PRKG2: variants seen among roughly 807,000 people sequenced by gnomAD.
PRKG2 encodes the protein protein kinase cGMP-dependent 2.
In PRKG2, 33 loss-of-function variants were observed where a neutral mutation model predicts 97.2. The ratio of observed to expected loss-of-function variants is 0.34; its 90% confidence interval spans 0.26 to 0.45. The LOEUF (loss-of-function observed/expected upper bound fraction) is 0.45, where lower values mean the gene tolerates loss of function less well. Ranked by LOEUF, PRKG2 falls within the 20% of genes least tolerant of loss-of-function variation. The probability of loss-of-function intolerance (pLI) is 1.00; values close to 1 mark genes in which losing one functional copy is unlikely to be tolerated. For synonymous variants in PRKG2, 330 were observed against 321.8 expected, an observed-to-expected ratio of 1.03 and a Z score of -0.27; for missense variants, 638 against 900.0, an observed-to-expected ratio of 0.71 and a Z score of 3.73.
rs1214354997 is a variant in PRKG2 at position 81,109,649 on chromosome 4, CA to C, written c.1940+798del. ...AAATAATCATAATAAAAATGTAAATCATAAAATAATCATAATAAAAATTCCT... is the reference window on the plus strand; with the variant it reads ...AAATAATCATAATAAAAATGTAAATCTAAAATAATCATAATAAAAATTCCT... On this transcript the variant is annotated intron_variant, in intron 15 of 18. Coordinates refer to ENST00000264399, the MANE Select transcript of PRKG2 (RefSeq NM_006259.3). Among the ~76,000 whole-genome samples, 3 of 152,110 alleles carry C rather than the reference CA, an allele frequency of 2.0e-5. No homozygotes were observed. The East Asian group carries it at 5.8e-4, about 29-fold the overall frequency.
intron 17 of PRKG2, among the ~76,000 whole-genome samples, chr4:81,097,045 G>T (rs957763486): frequency 6.6e-6 from 1 of 152,076 alleles, no homozygotes; most frequent in South Asian, 2.1e-4. Flanking sequence ...CTTACAAAAT[G>T]TATTTCTCAA....
At chr4:81,208,748 G>A (rs1367961842) in intron 1 of PRKG2, among the ~76,000 whole-genome samples, 1 of 152,084 alleles carries the variant, frequency 6.6e-6, no homozygotes, top group Non-Finnish European at 1.5e-5. Flanking sequence ...GGGAGTAAGG[G>A]ACTCTTACTT....
intron 1 of PRKG2, among the ~76,000 whole-genome samples, chr4:81,205,644 A>G (rs1187347817): frequency 1.3e-5 from 2 of 152,214 alleles, no homozygotes; most frequent in Non-Finnish European, 2.9e-5. Flanking sequence ...TCACTGCTAA[A>G]ACACTTCTGA....
intron 6 of PRKG2, among the ~76,000 whole-genome samples, chr4:81,163,148 C>T (rs892908251): frequency 6.6e-6 from 1 of 152,100 alleles, no homozygotes; most frequent in Non-Finnish European, 1.5e-5. Context: ...TAAATAATAC[C>T]TCCCAGTGTG....
intron 4 of PRKG2, among the ~76,000 whole-genome samples, chr4:81,171,211 T>C (rs553165867): frequency 1.2e-4 from 18 of 151,786 alleles, no homozygotes; most frequent in Non-Finnish European, 2.4e-4. Flanking sequence ...CCCCTCCCTG[T>C]GTCCATGTGT....
chr4:81,111,773 C>T (rs1394316809), intron 14 of PRKG2, among the ~76,000 whole-genome samples: 3 of 152,262 alleles, frequency 2.0e-5, no homozygotes, highest in Non-Finnish European at 2.9e-5. Flanking sequence ...GATCAAAATC[C>T]TTCCCTGCAA....
At chr4:81,153,877 T>G in intron 6 of PRKG2, 156 bp from the exon 7 acceptor site, 1 of 580,134 alleles carries the variant, frequency 1.7e-6, no homozygotes, top group Non-Finnish European at 3.0e-6. Context: ...CACTAGGGAG[T>G]GCCAGACAGT....
chr4:81,100,494 G>A (rs1391014253), intron 17 of PRKG2, among the ~76,000 whole-genome samples: 4 of 152,286 alleles, frequency 2.6e-5, no homozygotes, highest in Admixed American at 2.0e-4. Flanking sequence ...ATGGTGCTGG[G>A]AAAACTGGCT....
chr4:81,183,570 G>T (rs1751606389), intron 2 of PRKG2, among the ~76,000 whole-genome samples: 1 of 152,062 alleles, frequency 6.6e-6, no homozygotes, highest in South Asian at 2.1e-4. Context: ...CGGCCATTTG[G>T]ACAGACACTG....
At chr4:81,212,674 G>A (rs1754042515) in intron 1 of PRKG2, among the ~76,000 whole-genome samples, 1 of 152,094 alleles carries the variant, frequency 6.6e-6, no homozygotes, top group African/African-American at 2.4e-5. Flanking sequence ...AAAGAAAGAG[G>A]AAAGCTGAAA....
At chr4:81,201,465 G>C (rs1272548858) in intron 2 of PRKG2, among the ~76,000 whole-genome samples, 2 of 152,134 alleles carry the variant, frequency 1.3e-5, no homozygotes, top group Non-Finnish European at 2.9e-5. Flanking sequence ...AATGCCAGTA[G>C]AGTTTCATTA....
intron 3 of PRKG2, among the ~76,000 whole-genome samples, chr4:81,174,469 C>T (rs1458083736): frequency 6.6e-6 from 1 of 151,940 alleles, no homozygotes; most frequent in East Asian, 1.9e-4. Flanking sequence ...TGTGGCGTTA[C>T]CCTCTCTGAG....
intron 6 of PRKG2, among the ~76,000 whole-genome samples, chr4:81,163,960 T>C (rs1254802674): frequency 1.3e-5 from 2 of 152,130 alleles, no homozygotes; most frequent in East Asian, 3.9e-4. Context: ...TGTTTACAGT[T>C]AGTTATTTAT....
intron 6 of PRKG2, among the ~76,000 whole-genome samples, chr4:81,163,677 A>G (rs1353258344): frequency 6.6e-6 from 1 of 152,140 alleles, no homozygotes; most frequent in Non-Finnish European, 1.5e-5. Flanking sequence ...TGTAAATACA[A>G]TATATAAAAC....
intron 14 of PRKG2, among the ~76,000 whole-genome samples, chr4:81,132,076 GT>G (rs909366841): frequency 1.3e-5 from 2 of 150,984 alleles, no homozygotes; most frequent in Admixed American, 1.3e-4. Flanking sequence ...TGCCATTTAG[GT>G]TTTTTTTCAG....
rs1040124551 is a variant in PRKG2 at position 81,192,771 on chromosome 4, C to T, written c.461+11816G>A. Among the ~76,000 whole-genome samples, 12 of 152,106 alleles carry T rather than the reference C, an allele frequency of 7.9e-5. 1 individual carries two copies. Among genetic ancestry groups the T allele is most frequent in the South Asian group, 4.2e-4 (2 of 4,816 alleles). ...AAACCATAGAACAAGGAGGCACTGA[C>T]GAGACCCTCTGCTCAGTTCAAAGTT... On this transcript the variant is annotated intron_variant, in intron 2 of 18. Coordinates refer to ENST00000264399, the MANE Select transcript of PRKG2 (RefSeq NM_006259.3).
chr4:81,126,832 C>CTGATGA (rs1159631635), intron 14 of PRKG2, among the ~76,000 whole-genome samples: 1 of 152,122 alleles, frequency 6.6e-6, no homozygotes, highest in Non-Finnish European at 1.5e-5. Flanking sequence ...CCTGTTCACT[C>CTGATGA]TGATGACAGT....
intron 2 of PRKG2, chr4:81,192,348 G>A (rs1194046578): frequency 6.6e-6 from 1 of 152,156 alleles, no homozygotes; most frequent in Non-Finnish European, 1.5e-5. Flanking sequence ...GGCTTCCAAG[G>A]TGCTAGTAAT....
At chr4:81,119,676 GA>G (rs1200746510) in intron 14 of PRKG2, among the ~76,000 whole-genome samples, 3 of 148,090 alleles carry the variant, frequency 2.0e-5, no homozygotes, top group Non-Finnish European at 3.0e-5. Flanking sequence ...AAACTGAATT[GA>G]ATTTTTTTTT....
Sources: allele counts gnomAD v4.1 joint callset (sites outside exome capture counted in the v4.1 genomes callset), GRCh38; gene constraint gnomAD v4.1.1; transcripts MANE v1.5; gene names NCBI Gene and HGNC (gene_info 2026-07-23, HGNC 2026-07-21).